MIA2: variants seen among roughly 807,000 people sequenced by gnomAD.
MIA2 encodes melanoma inhibitory activity protein 2.
Under a neutral mutation model 167.8 loss-of-function variants are expected in MIA2, and 127 were observed. The ratio of observed to expected loss-of-function variants is 0.76; its 90% CI spans 0.66 to 0.88. The LOEUF (loss-of-function observed/expected upper bound fraction) is 0.88, where lower values mean the gene tolerates loss of function less well. Among genes scored for constraint, MIA2 ranks in the 40% least tolerant of loss-of-function variants. The pLI is 0.00. For missense variants in MIA2, 1,690 were observed against 1,624.7 expected (o/e 1.04, Z -0.69); for synonymous variants, 552 against 541.9 (o/e 1.02, Z -0.26).
intron 6 of MIA2, among the ~76,000 whole-genome samples, chr14:39,270,402 T>C (rs2056928348): frequency 6.6e-6 from 1 of 151,974 alleles, no homozygotes; most frequent in Admixed American, 6.6e-5. Flanking sequence ...GGTTTCACCA[T>C]GTTGGCCAGG....
downstream of MIA2, among the ~76,000 whole-genome samples, chr14:39,353,338 C>G (rs2139236819): frequency 6.6e-6 from 1 of 152,192 alleles, no homozygotes; most frequent in Admixed American, 6.5e-5. Flanking sequence ...CTTCATGTTC[C>G]CCTCACACCC....
At chr14:39,334,774 G>T (rs2069919065) in intron 25 of MIA2, among the ~76,000 whole-genome samples, 1 of 152,034 alleles carries the variant, frequency 6.6e-6, no homozygotes, top group Non-Finnish European at 1.5e-5. Context: ...CACCATGTTG[G>T]CCAGGCTTGT....
At chr14:39,361,468 C>CTTTTTTTTTTTTTT (rs2074681549) in intron 23 of MIA2, among the ~76,000 whole-genome samples, 1 of 139,494 alleles carries the variant, frequency 7.2e-6, no homozygotes. Flanking sequence ...GACAGAGTTT[C>CTTTTTTTTTTTTTT]GCTCTTGTTG....
chr14:39,361,348 G>A (rs1053507440), intron 23 of MIA2, among the ~76,000 whole-genome samples: 2 of 151,894 alleles, frequency 1.3e-5, no homozygotes, highest in African/African-American at 4.8e-5. Context: ...TCCTTGTGAA[G>A]GCCTTTCACC....
At chr14:39,367,297 A>G (rs1188721691) in intron 23 of MIA2, among the ~76,000 whole-genome samples, 2 of 152,140 alleles carry the variant, frequency 1.3e-5, no homozygotes, top group African/African-American at 2.4e-5. Flanking sequence ...ATGCAGGGGA[A>G]TATCAGTGCA....
intron 7 of MIA2, among the ~76,000 whole-genome samples, chr14:39,277,849 A>T (rs2058398735): frequency 6.9e-6 from 1 of 144,444 alleles, no homozygotes; most frequent in Non-Finnish European, 1.5e-5. Context: ...TCACAGATGC[A>T]ATTATAGTGC....
In MIA2 at chr14:39,385,812, A is replaced by G. The variant is rs1216803789; in HGVS notation, c.2249-1073A>G. 3 of 913,736 alleles carry G rather than the reference A, an allele frequency of 3.3e-6. No individual in the cohort carries two copies. In the East Asian group the frequency reaches 7.2e-5, roughly 22 times the overall value. 56.6% of individuals were successfully genotyped at this position (913,736 alleles called of 1,614,324 possible). ...GTTGCCTCTGGTTCTCAGTGCTTCT[A>G]TTTACAACACAGGAAACAGGATGCC... is the stretch of plus-strand genomic sequence containing the variant. On this transcript the variant is annotated intron_variant, in intron 23 of 23. Transcript: ENST00000341502.
At chr14:39,312,808 T>G (rs902955413) in intron 18 of MIA2, among the ~76,000 whole-genome samples, 1 of 151,980 alleles carries the variant, frequency 6.6e-6, no homozygotes, top group Non-Finnish European at 1.5e-5. Context: ...AAGTTATCTA[T>G]TATTATTATT....
At position 39,247,474 on chromosome 14, in the gene MIA2, C is replaced by T; in HGVS notation, c.900C>T (p.His300=). The T allele has an allele frequency of 6.2e-7, 1 of 1,613,804 alleles. No individual in the cohort carries two copies. The highest frequency in any genetic ancestry group is 8.5e-7 in the Non-Finnish European group (1 of 1,179,904). The change falls in exon 4 of 29, where the codon CAC becomes CAT. Residue 300 remains histidine (H), a synonymous_variant. Transcript: ENST00000640607. ...CTGAACTAGCATCTGAGTCAGAGCA[C>T]ATTCCCAAACCTCAATCCACTGGTT... is the stretch of plus-strand genomic sequence containing the variant. ...TQSELASESE[H]IPKPQSTGWF...
chr14:39,280,503 C>T (rs765227962), intron 9 of MIA2, among the ~76,000 whole-genome samples: 6 of 151,998 alleles, frequency 3.9e-5, no homozygotes, highest in Non-Finnish European at 5.9e-5. Context: ...GAGGCTGAGG[C>T]GGGCAAATCA....
At position 39,265,650 on chromosome 14, in the gene MIA2, T is replaced by C. The variant is rs775180950; in HGVS notation, c.1888-11284T>C. 4.7e-5 allele frequency: 19 copies of C among 407,618 alleles called. No individual in the cohort carries two copies. The Admixed American group carries it at 7.3e-4, about 16-fold the overall frequency. 25.3% of individuals were successfully genotyped at this position (407,618 alleles called of 1,614,324 possible). Reference sequence around the variant, plus strand: ...CAAAGGGAGGTTTTTTTTTTGTTTTTGTTTTTTGAAAGTTCTAAAACCTGA... The same window carrying C: ...CAAAGGGAGGTTTTTTTTTTGTTTTCGTTTTTTGAAAGTTCTAAAACCTGA... On this transcript the variant is annotated intron_variant, in intron 6 of 28. Transcript: ENST00000640607.
At chr14:39,267,349 T>C (rs1382067383) in intron 6 of MIA2, 2 of 1,572,998 alleles carry the variant, frequency 1.3e-6, no homozygotes, top group East Asian at 2.3e-5. Context: ...TCCACTCCGG[T>C]TGCCGGGTGC....
chr14:39,365,925 G>T (rs2074812877), intron 23 of MIA2, among the ~76,000 whole-genome samples: 1 of 151,862 alleles, frequency 6.6e-6, no homozygotes, highest in Admixed American at 6.6e-5. Flanking sequence ...ATTGATATTT[G>T]TATGTCTGGT....
At chr14:39,303,588 C>T (rs1293255367) in intron 16 of MIA2, 64 bp downstream of exon 16, 3 of 1,152,060 alleles carry the variant, frequency 2.6e-6, no homozygotes. Context: ...TTACTCATGT[C>T]CCAGTAAATG....
intron 3 of MIA2, among the ~76,000 whole-genome samples, chr14:39,242,188 C>G (rs2054073994): frequency 1.3e-5 from 2 of 152,140 alleles, no homozygotes; most frequent in Admixed American, 6.6e-5. Context: ...CTCAATAAAA[C>G]TGAAATGAAA....
At chr14:39,293,119 G>A in intron 10 of MIA2, 152 bp from the exon 11 acceptor site, 1 of 629,860 alleles carries the variant, frequency 1.6e-6, no homozygotes, top group East Asian at 2.9e-5. Flanking sequence ...GCTGACCACT[G>A]CTACAATTGC....
At chr14:39,295,182 T>C (rs2061257016) in intron 13 of MIA2, among the ~76,000 whole-genome samples, 153 bp downstream of exon 13, 1 of 152,188 alleles carries the variant, frequency 6.6e-6, no homozygotes, top group South Asian at 2.1e-4. Context: ...AGTGTCTGTC[T>C]CTTTTGTATA....
At chr14:39,352,892 TC>T (rs989778504), downstream of MIA2, among the ~76,000 whole-genome samples, 2 of 152,192 alleles carry the variant, frequency 1.3e-5, no homozygotes, top group Admixed American at 1.3e-4. Context: ...TCAAATTTAA[TC>T]TTTTAGTGAT....
At chr14:39,304,980 G>T (rs1298599535) in intron 17 of MIA2, among the ~76,000 whole-genome samples, 1 of 152,088 alleles carries the variant, frequency 6.6e-6, no homozygotes, top group African/African-American at 2.4e-5. Flanking sequence ...AAAATATAAA[G>T]ATTTACCATA....
Sources: allele counts gnomAD v4.1 joint callset (sites outside exome capture counted in the v4.1 genomes callset), GRCh38; gene constraint gnomAD v4.1.1; transcripts MANE v1.5; gene names NCBI Gene and HGNC (gene_info 2026-07-23, HGNC 2026-07-21).